The following BAALC variants were observed in gnomAD, a reference collection of about 807,000 sequenced individuals.
BAALC encodes the protein brain and acute leukemia cytoplasmic protein.
Under a neutral mutation model 15.5 loss-of-function variants are expected in BAALC, and 9 were observed. The observed-to-expected ratio is 0.58, with a 90% CI of 0.35 to 1.02. The LOEUF is 1.02. Ranked by LOEUF, BAALC falls within the 50% of genes least tolerant of loss-of-function variation. The pLI is 0.02. For synonymous variants in BAALC, 80 were observed against 74.6 expected, an observed-to-expected ratio of 1.07 and a Z score of -0.37; for missense variants, 201 against 192.4, an observed-to-expected ratio of 1.04 and a Z score of -0.27.
chr8:103,172,251 T>A (rs1811513787), intron 1 of BAALC: 1 of 152,096 alleles, frequency 6.6e-6, no homozygotes, highest in South Asian at 2.1e-4. Flanking sequence ...TTTTGGCCTT[T>A]CAGTGAAATG....
At chr8:103,195,725 A>G (rs150939015) in intron 1 of BAALC, among the ~76,000 whole-genome samples, 71 of 152,316 alleles carry the variant, frequency 4.7e-4, no homozygotes, top group African/African-American at 1.7e-3. Context: ...TTGGTACATC[A>G]AGGGAAAAAA....
intron 1 of BAALC, among the ~76,000 whole-genome samples, chr8:103,190,036 A>G (rs1300346827): frequency 6.6e-6 from 1 of 152,148 alleles, no homozygotes; most frequent in African/African-American, 2.4e-5. Flanking sequence ...GGAGATACGC[A>G]GGGATTCGTG....
At chr8:103,181,619 G>A (rs114059807) in intron 1 of BAALC, among the ~76,000 whole-genome samples, 2,590 of 152,242 alleles carry the variant, frequency 0.017, 64 homozygotes, top group African/African-American at 0.057. Context: ...TTCTCCATGT[G>A]CTGTAGCTAA....
At chr8:103,202,487 T>A (rs1379159102) in intron 1 of BAALC, among the ~76,000 whole-genome samples, 3 of 152,104 alleles carry the variant, frequency 2.0e-5, no homozygotes, top group African/African-American at 7.2e-5. Flanking sequence ...AAAATAAATA[T>A]CTCTTGGTTA....
intron 1 of BAALC, among the ~76,000 whole-genome samples, chr8:103,165,199 A>T (rs1258940320): frequency 6.6e-6 from 1 of 152,138 alleles, no homozygotes; most frequent in Non-Finnish European, 1.5e-5. Context: ...CTTTGACAGA[A>T]AACCTTCCCT....
intron 1 of BAALC, among the ~76,000 whole-genome samples, chr8:103,205,636 G>T (rs548442032): frequency 1.2e-4 from 19 of 152,158 alleles, no homozygotes; most frequent in Non-Finnish European, 2.1e-4. Flanking sequence ...GTGGGATACA[G>T]GGAACTTGTT....
chr8:103,142,930 CT>C (rs1451613433), intron 1 of BAALC, among the ~76,000 whole-genome samples: 1 of 152,188 alleles, frequency 6.6e-6, no homozygotes, highest in Non-Finnish European at 1.5e-5. Flanking sequence ...AGAGGTGGTC[CT>C]GAAGGCCTGC....
At chr8:103,219,941 A>G (rs1267108322) in intron 2 of BAALC, among the ~76,000 whole-genome samples, 1 of 152,208 alleles carries the variant, frequency 6.6e-6, no homozygotes, top group Non-Finnish European at 1.5e-5. Context: ...AACGTGCCAG[A>G]CACACTATGA....
chr8:103,143,998 G>A (rs1446384220), intron 1 of BAALC, among the ~76,000 whole-genome samples: 2 of 152,086 alleles, frequency 1.3e-5, no homozygotes. Flanking sequence ...TCAAACACCT[G>A]GCCCAACCCA....
intron 1 of BAALC, chr8:103,198,217 T>C (rs1207374342): frequency 1.5e-6 from 1 of 675,928 alleles, no homozygotes; most frequent in African/African-American, 1.8e-5. Flanking sequence ...TTGATTCCTA[T>C]GTGGTGTTTC....
intron 1 of BAALC, among the ~76,000 whole-genome samples, chr8:103,205,538 TGATA>T (rs559280836): frequency 7.9e-5 from 12 of 152,082 alleles, no homozygotes; most frequent in South Asian, 6.3e-4. Flanking sequence ...GATAGATAGA[TGATA>T]GATAGATAGA....
chr8:103,200,491 C>A (rs372384189), intron 1 of BAALC, among the ~76,000 whole-genome samples: 22 of 152,208 alleles, frequency 1.4e-4, no homozygotes, highest in African/African-American at 4.3e-4. Context: ...AAAAAACAAA[C>A]AAAAACAACC....
chr8:103,164,983 T>C (rs1811312944), intron 1 of BAALC, among the ~76,000 whole-genome samples: 1 of 152,180 alleles, frequency 6.6e-6, no homozygotes. Flanking sequence ...AGGAACACAC[T>C]AACTTTGGTA....
At chr8:103,156,695 T>A (rs1303873358) in intron 1 of BAALC, among the ~76,000 whole-genome samples, 1 of 152,260 alleles carries the variant, frequency 6.6e-6, no homozygotes, top group Non-Finnish European at 1.5e-5. Flanking sequence ...TCCTTAACTC[T>A]GTTATTGCCA....
intron 1 of BAALC, among the ~76,000 whole-genome samples, chr8:103,180,253 A>G (rs1480967935): frequency 6.6e-6 from 1 of 152,264 alleles, no homozygotes; most frequent in Non-Finnish European, 1.5e-5. Context: ...GGGTAAAATC[A>G]CAGCAGTGTT....
intron 1 of BAALC, among the ~76,000 whole-genome samples, chr8:103,152,290 C>T (rs1811004416): frequency 6.6e-6 from 1 of 152,096 alleles, no homozygotes; most frequent in Non-Finnish European, 1.5e-5. Context: ...GTGTTCCGGC[C>T]ACGCTTGATT....
At chr8:103,153,722 G>C (rs939338475) in intron 1 of BAALC, among the ~76,000 whole-genome samples, 1 of 152,200 alleles carries the variant, frequency 6.6e-6, no homozygotes, top group Non-Finnish European at 1.5e-5. Context: ...CAGGCTGGGA[G>C]CTTCTGTTGG....
At chr8:103,175,856 C>T (rs1237430785) in intron 1 of BAALC, among the ~76,000 whole-genome samples, 2 of 152,148 alleles carry the variant, frequency 1.3e-5, no homozygotes, top group African/African-American at 4.8e-5. Context: ...TGGACCAGGT[C>T]CCTGCTTTAC....
rs1301512300 is a variant in BAALC, at chr8:103,193,125, G to A, written c.161-19794G>A. On this transcript the variant is annotated intron_variant, in intron 1 of 2. Coordinates refer to ENST00000309982, the MANE Select transcript of BAALC (RefSeq NM_024812.3). ...TAGCTAGCCAAGCCCCCAATTATCT[G>A]TCCTTCTAAAGAAGGTGAGGCATAG... 2.6e-5 allele frequency among the ~76,000 whole-genome samples: 4 copies of A among 152,182 alleles called. No individual in the cohort carries two copies. The South Asian group carries it at 8.3e-4, about 32-fold the overall frequency.
Sources: allele counts gnomAD v4.1 joint callset (sites outside exome capture counted in the v4.1 genomes callset), GRCh38; gene constraint gnomAD v4.1.1; transcripts MANE v1.5; gene names NCBI Gene and HGNC (gene_info 2026-07-23, HGNC 2026-07-21).